The following NLRP1 variants were observed in gnomAD, a reference collection of about 807,000 sequenced individuals.
The protein encoded by NLRP1 is NLR family pyrin domain containing 1, also known as NACHT, LRR and PYD domains-containing protein 1.
In NLRP1, 94 loss-of-function variants were observed where a neutral mutation model predicts 136.7. The observed-to-expected ratio is 0.69, with a 90% CI of 0.58 to 0.82. The LOEUF is 0.82. Among genes scored for constraint, NLRP1 ranks in the 40% least tolerant of loss-of-function variants. NLRP1 has a pLI of 0.00. For missense variants in NLRP1, 1,575 were observed against 1,802.7 expected (o/e 0.87, Z 2.29); for synonymous variants, 690 against 725.1 (o/e 0.95, Z 0.78).
At chr17:5,566,098 CGATTTT>C in intron 3 of NLRP1, among the ~76,000 whole-genome samples, 1 of 151,804 alleles carries the variant, frequency 6.6e-6, no homozygotes, top group South Asian at 2.1e-4. Context: ...AAAGGTTTGT[CGATTTT>C]AACTTTTCAA....
In NLRP1 at chr17:5,583,542, G is replaced by A. The variant is rs1315476921; in HGVS notation, c.271+145C>T. ...CTGGCTCCAGCATAGTCTGGGGCCTGGATCCCCCTTTGAGAGGGCAGTTCC... is the reference window on the plus strand; with the variant it reads ...CTGGCTCCAGCATAGTCTGGGGCCTAGATCCCCCTTTGAGAGGGCAGTTCC... On this transcript the variant is annotated intron_variant, in intron 1 of 16. Transcript: ENST00000572272. The surrounding 1 kb of genome is among the most constrained non-coding windows in gnomAD (Gnocchi z 4.5). The A allele has an allele frequency of 2.3e-6, 2 of 859,878 alleles. No homozygotes were observed. The highest frequency in any genetic ancestry group is 3.4e-5 in the African/African-American group (2 of 58,662). The allele number at this position is 859,878 out of a possible 1,614,324, so 53.3% of individuals were successfully genotyped here. A position where few individuals can be genotyped will look rare whatever the true frequency, so the allele number is the denominator to read the frequency against.
intron 15 of NLRP1, among the ~76,000 whole-genome samples, chr17:5,516,113 G>A (rs1349584666): frequency 1.4e-5 from 2 of 144,360 alleles, no homozygotes; most frequent in Non-Finnish European, 3.1e-5. Flanking sequence ...GTTCACAGCA[G>A]CTCGCATGTA....
At chr17:5,540,841 G>T (rs1410007542) in intron 6 of NLRP1, among the ~76,000 whole-genome samples, 14 of 152,162 alleles carry the variant, frequency 9.2e-5, no homozygotes, top group Admixed American at 9.2e-4. Flanking sequence ...GCAGAGGTTT[G>T]GCCTTGGGAA....
intron 15 of NLRP1, among the ~76,000 whole-genome samples, chr17:5,508,540 A>G (rs893644269): frequency 2.6e-5 from 4 of 152,358 alleles, no homozygotes; most frequent in East Asian, 3.9e-4. Flanking sequence ...ACAGTGATCT[A>G]AAGGATAACG....
intron 3 of NLRP1, among the ~76,000 whole-genome samples, chr17:5,579,889 AAT>A (rs1293376849): frequency 3.9e-5 from 6 of 152,180 alleles, no homozygotes; most frequent in Non-Finnish European, 8.8e-5. Context: ...TAAAAGGAAC[AAT>A]AGACACTGGG....
intron 3 of NLRP1, among the ~76,000 whole-genome samples, chr17:5,560,839 G>A (rs1017685063): frequency 1.3e-5 from 2 of 152,184 alleles, no homozygotes; most frequent in Non-Finnish European, 2.9e-5. Context: ...AACCAAATCC[G>A]GTCTCAGGCT....
chr17:5,532,972 G>C lies in NLRP1; in HGVS notation c.3146C>G (p.Pro1049Arg), dbSNP rs750571630. The C allele has an allele frequency of 1.2e-6, 2 of 1,612,036 alleles. No homozygotes were observed. Among genetic ancestry groups the C allele is most frequent in the South Asian group, 2.2e-5 (2 of 90,878 alleles). The change falls in exon 11 of 17, where the codon CCA becomes CGA. Residue 1049 changes from proline (P) to arginine (R), a missense_variant. By Grantham distance (103) the Pro-to-Arg change is moderately radical. Coordinates refer to ENST00000572272, the MANE Select transcript of NLRP1 (RefSeq NM_033004.4). ...PIAEIAEESS[P>R]EVVPVELLCV... ...CAAGAGTTCCACCGGTACTACCTCT[G>C]GGGAGCTTTCCTCTGAAACAGCAAG...
At chr17:5,533,092 T>C (rs1597414233) in intron 10 of NLRP1, 108 bp from the exon 11 acceptor site, 2 of 1,422,076 alleles carry the variant, frequency 1.4e-6, no homozygotes, top group East Asian at 4.8e-5. Context: ...GCCTGGACCA[T>C]GGCAGGGAGT....
At chr17:5,529,693 T>G (rs1909999621) in intron 12 of NLRP1, among the ~76,000 whole-genome samples, 1 of 152,122 alleles carries the variant, frequency 6.6e-6, no homozygotes, top group Non-Finnish European at 1.5e-5. Context: ...TTAGTCAATT[T>G]AGTTTCCAAC....
chr17:5,567,302 T>C (rs1915441613), intron 3 of NLRP1, among the ~76,000 whole-genome samples: 2 of 152,082 alleles, frequency 1.3e-5, no homozygotes, highest in Admixed American at 1.3e-4. Flanking sequence ...ATTTGGTTTC[T>C]TGATTTTTAT....
chr17:5,579,350 T>C (rs1905339571), intron 3 of NLRP1, among the ~76,000 whole-genome samples: 1 of 147,544 alleles, frequency 6.8e-6, no homozygotes, highest in South Asian at 2.1e-4. Flanking sequence ...AGAGACCTTC[T>C]CTGGAAAAAA....
intron 5 of NLRP1, among the ~76,000 whole-genome samples, chr17:5,547,873 T>C (rs1912875950): frequency 6.6e-6 from 1 of 152,232 alleles, no homozygotes; most frequent in Non-Finnish European, 1.5e-5. Context: ...TTGCTTTCCT[T>C]TCTTACAATC....
At chr17:5,578,137 G>C (rs886657663) in intron 3 of NLRP1, among the ~76,000 whole-genome samples, 9 of 152,146 alleles carry the variant, frequency 5.9e-5, no homozygotes, top group Non-Finnish European at 1.2e-4. Context: ...TTAAATGTCA[G>C]ACCTAAAACC....
At chr17:5,581,737 G>T in intron 3 of NLRP1, 122 bp downstream of exon 3, 1 of 855,826 alleles carries the variant, frequency 1.2e-6, no homozygotes, top group Non-Finnish European at 2.0e-6. Flanking sequence ...TTTCCTGAGG[G>T]AAATTTCAGA....
chr17:5,535,911 G>T lies in NLRP1; in HGVS notation c.2960+940C>A, dbSNP rs529778159. ...CCGGGGCTTGCCCCTCAAGTCAGGG[G>T]TGTGTGTGGTGGTGGTGGTGAGGGT... On this transcript the variant is annotated intron_variant, in intron 8 of 16. Transcript: ENST00000572272. Among the ~76,000 whole-genome samples the T allele has an allele frequency of 2.0e-5, 3 of 152,320 alleles. 1 individual carries two copies. In the South Asian group the frequency reaches 6.2e-4, roughly 32 times the overall value.
intron 3 of NLRP1, among the ~76,000 whole-genome samples, chr17:5,578,418 AAAAC>A (rs1467329462): frequency 6.6e-6 from 1 of 152,226 alleles, no homozygotes; most frequent in Non-Finnish European, 1.5e-5. Flanking sequence ...TTACAAGAAA[AAAAC>A]AAACAACTCC....
chr17:5,566,320 T>C (rs1232711177), intron 3 of NLRP1, among the ~76,000 whole-genome samples: 1 of 152,056 alleles, frequency 6.6e-6, no homozygotes, highest in Non-Finnish European at 1.5e-5. Flanking sequence ...TAAACTTCTC[T>C]CTTAATATAT....
At chr17:5,535,225 A>G (rs1910890639) in intron 8 of NLRP1, among the ~76,000 whole-genome samples, 2 of 151,804 alleles carry the variant, frequency 1.3e-5, no homozygotes, top group South Asian at 2.1e-4. Flanking sequence ...GTCTCAAAAA[A>G]AAAAAAGACA....
chr17:5,514,515 G>T lies in NLRP1; in HGVS notation c.*239C>A. On this transcript the variant is annotated 3_prime_UTR_variant, in exon 17 of 17. Transcript: ENST00000572272. ...CAGATGAGGCTCTATGAGGTCTGCA[G>T]GGGTCTTGCCAGCTCCAGATGGACA... 7.2e-7 allele frequency: 1 copy of T among 1,385,484 alleles called. No individual in the cohort carries two copies. The highest frequency in any genetic ancestry group is 3.0e-5 in the Admixed American group (1 of 33,308). The allele number at this position is 1,385,484 out of a possible 1,614,324, so 85.8% of individuals were successfully genotyped here. A position where few individuals can be genotyped will look rare whatever the true frequency, so the allele number is the denominator to read the frequency against.
Sources: gnomAD v4.1 joint callset for allele counts (sites outside exome capture counted in the v4.1 genomes callset) on GRCh38, gnomAD v4.1.1 for gene constraint, Gnocchi (gnomAD v3.1) non-coding constraint, MANE v1.5 for transcripts, NCBI Gene and HGNC (gene_info 2026-07-23, HGNC 2026-07-21) for gene names.